Variants in RIMS2 observed in about 807,000 individuals in gnomAD.
The protein encoded by RIMS2 is regulating synaptic membrane exocytosis protein 2.
RIMS2 carries 59 observed loss-of-function variants against 174.4 expected under a neutral mutation model. The observed-to-expected ratio is 0.34, with a 90% confidence interval of 0.27 to 0.42. The LOEUF (loss-of-function observed/expected upper bound fraction) is 0.42. RIMS2 is among the 10% of genes least tolerant of loss of function. The pLI, the probability that RIMS2 is intolerant of heterozygous loss-of-function variation, is 1.00. For synonymous variants in RIMS2, 606 were observed against 572.5 expected, an observed-to-expected ratio of 1.06 and a Z score of -0.84; for missense variants, 1,620 against 1,666.3, an observed-to-expected ratio of 0.97 and a Z score of 0.48.
chr8:103,822,317 G>A (rs755923404), intron 3 of RIMS2, among the ~76,000 whole-genome samples: 1 of 151,598 alleles, frequency 6.6e-6, no homozygotes, highest in Non-Finnish European at 1.5e-5. Flanking sequence ...TGACATATTA[G>A]CAATAAAACA....
At chr8:103,868,454 A>G (rs2099094090) in intron 3 of RIMS2, among the ~76,000 whole-genome samples, 2 of 151,760 alleles carry the variant, frequency 1.3e-5, no homozygotes, top group African/African-American at 4.8e-5. Flanking sequence ...CATTTTTTGT[A>G]TTTTTTGTTT....
At chr8:103,813,389 CTTCTTTCTTTCT>C (rs201996486) in intron 3 of RIMS2, among the ~76,000 whole-genome samples, 5 of 147,272 alleles carry the variant, frequency 3.4e-5, no homozygotes, top group East Asian at 2.0e-4. Flanking sequence ...AGAATTTACA[CTTCTTTCTTTCT>C]TTCTTTCTTT....
chr8:103,657,509 G>T lies in RIMS2; in HGVS notation c.177-39577G>T, dbSNP rs572031800. Among the ~76,000 whole-genome samples, 4 of 152,228 alleles carry T rather than the reference G, an allele frequency of 2.6e-5. No individual in the cohort carries two copies. The East Asian group carries it at 7.7e-4, about 29-fold the overall frequency. ...TTACTGCAATGAGACAGAAATTTTA[G>T]GATGCCAAAAGATAAAGATTTCCCA... On this transcript the variant is annotated intron_variant, in intron 1 of 23. Transcript: ENST00000504942.
chr8:103,630,580 CAAAAAA>C (rs61194218), intron 1 of RIMS2, among the ~76,000 whole-genome samples: 2 of 86,986 alleles, frequency 2.3e-5, no homozygotes, highest in Non-Finnish European at 4.6e-5. Flanking sequence ...AACTCCATCT[CAAAAAA>C]AAAAAAAAAA....
At chr8:103,710,950 A>G (rs796442893) in intron 2 of RIMS2, among the ~76,000 whole-genome samples, 2 of 152,274 alleles carry the variant, frequency 1.3e-5, no homozygotes, top group African/African-American at 2.4e-5. Context: ...CAAGTTCTTT[A>G]TACTCTGAAA....
chr8:103,500,888 T>C (rs1190198833), exon 1 of RIMS2: 2 of 1,592,166 alleles, frequency 1.3e-6, no homozygotes, highest in East Asian at 2.3e-5. Context: ...CCACCAAACA[T>C]GTCGGCTCCT....
intron 4 of RIMS2, among the ~76,000 whole-genome samples, chr8:103,909,065 T>C (rs1489597855): frequency 6.6e-6 from 1 of 152,108 alleles, no homozygotes; most frequent in Non-Finnish European, 1.5e-5. Context: ...TGAGGGGTGT[T>C]TGCTGACCCC....
chr8:103,740,881 T>C (rs974875560), intron 2 of RIMS2, among the ~76,000 whole-genome samples: 8 of 152,222 alleles, frequency 5.3e-5, no homozygotes, highest in Admixed American at 4.6e-4. Context: ...TTTCCTTGTT[T>C]TTTATTGAAT....
At chr8:104,214,244 T>C (rs1375498824) in intron 19 of RIMS2, among the ~76,000 whole-genome samples, 1 of 152,196 alleles carries the variant, frequency 6.6e-6, no homozygotes, top group African/African-American at 2.4e-5. Context: ...TACCACAAAT[T>C]TACCTCTTAC....
rs560532134 is a variant in RIMS2 at position 103,603,002 on chromosome 8, AT to A, written c.177-94077del. 4.6e-5 allele frequency among the ~76,000 whole-genome samples: 7 copies of A among 151,476 alleles called. No individual in the cohort carries two copies. In the South Asian group the frequency reaches 1.5e-3, roughly 32 times the overall value. ...TTTGACTTTTTTATTTTTATTTTTT[AT>A]TTTTTTATTATACTTTAAGTTTTAG... is the stretch of plus-strand genomic sequence containing the variant. On this transcript the variant is annotated intron_variant, in intron 1 of 23. Transcript: ENST00000504942.
At chr8:104,038,802 C>T (rs1235712747) in intron 19 of RIMS2, among the ~76,000 whole-genome samples, 2 of 151,590 alleles carry the variant, frequency 1.3e-5, no homozygotes, top group Admixed American at 1.3e-4. Flanking sequence ...ATCCAAAAAA[C>T]CAAAAATGTT....
intron 3 of RIMS2, among the ~76,000 whole-genome samples, chr8:103,830,864 A>C (rs538921033): frequency 1.3e-5 from 2 of 152,316 alleles, no homozygotes; most frequent in South Asian, 4.1e-4. Context: ...GCTGCAGTGC[A>C]GTAGTGCAGC....
chr8:103,718,627 C>A (rs763358071), intron 2 of RIMS2, among the ~76,000 whole-genome samples: 1 of 151,936 alleles, frequency 6.6e-6, no homozygotes, highest in Non-Finnish European at 1.5e-5. Context: ...AAAAAGGAGA[C>A]TGTTTTTGAC....
At chr8:103,769,406 C>T (rs549371223) in intron 3 of RIMS2, among the ~76,000 whole-genome samples, 5 of 152,220 alleles carry the variant, frequency 3.3e-5, no homozygotes, top group Non-Finnish European at 5.9e-5. Flanking sequence ...TCACTGCAAC[C>T]TCCGCCTCCC....
intron 19 of RIMS2, among the ~76,000 whole-genome samples, chr8:104,113,116 G>A (rs1280617845): frequency 6.6e-6 from 1 of 152,016 alleles, no homozygotes; most frequent in African/African-American, 2.4e-5. Context: ...TCATTGGAAA[G>A]GACTTTAGAA....
chr8:103,963,536 G>A (rs772397916), intron 15 of RIMS2, among the ~76,000 whole-genome samples: 5 of 152,006 alleles, frequency 3.3e-5, no homozygotes, highest in African/African-American at 4.8e-5. Context: ...TTTTCTATGT[G>A]TTTTTTTAAA....
At chr8:103,505,789 A>G (rs1192887947) in intron 1 of RIMS2, among the ~76,000 whole-genome samples, 1 of 152,160 alleles carries the variant, frequency 6.6e-6, no homozygotes, top group Non-Finnish European at 1.5e-5. Flanking sequence ...TCAATGAAAA[A>G]GATGCCACTG....
intron 17 of RIMS2, among the ~76,000 whole-genome samples, chr8:104,000,410 A>G (rs1040183282): frequency 1.3e-5 from 2 of 151,640 alleles, no homozygotes; most frequent in African/African-American, 2.4e-5. Flanking sequence ...GTTTTAGCTG[A>G]TACTCCATTG....
intron 1 of RIMS2, among the ~76,000 whole-genome samples, chr8:103,574,181 C>T (rs1563836284): frequency 6.6e-6 from 1 of 151,890 alleles, no homozygotes; most frequent in Non-Finnish European, 1.5e-5. Context: ...TTAGAACGAC[C>T]TAAGAGATAT....
Sources: allele counts gnomAD v4.1 joint callset (sites outside exome capture counted in the v4.1 genomes callset), GRCh38; gene constraint gnomAD v4.1.1; transcripts MANE v1.5; gene names NCBI Gene and HGNC (gene_info 2026-07-23, HGNC 2026-07-21).